DTD1: variants seen among roughly 807,000 people sequenced by gnomAD.
DTD1 encodes D-aminoacyl-tRNA deacylase 1.
DTD1 carries 13 observed loss-of-function variants against 25.6 expected under a neutral mutation model. The ratio of observed to expected loss-of-function variants is 0.51; its 90% CI spans 0.33 to 0.81. The LOEUF (loss-of-function observed/expected upper bound fraction) is 0.81. Among genes scored for constraint, DTD1 ranks in the 30% least tolerant of loss-of-function variants. The probability of loss-of-function intolerance (pLI) is 0.02; values close to 1 mark genes in which losing one functional copy is unlikely to be tolerated. For synonymous variants in DTD1, 110 were observed against 103.6 expected, an observed-to-expected ratio of 1.06 and a Z score of -0.37; for missense variants, 193 against 266.4, an observed-to-expected ratio of 0.72 and a Z score of 1.92.
In DTD1 at chr20:18,693,131, G is replaced by C. The variant is rs537647567; in HGVS notation, c.478-50969G>C. ...TGGTCTCCAACTCCTGACCTCCAGT[G>C]ATCCACCCGCCTCGGCTTCCCAAAA... On this transcript the variant is annotated intron_variant, in intron 4 of 5. Coordinates refer to ENST00000377452, the MANE Select transcript of DTD1 (RefSeq NM_080820.6). Among the ~76,000 whole-genome samples the C allele has an allele frequency of 2.0e-5, 3 of 152,120 alleles. No homozygotes were observed. In the South Asian group the frequency reaches 6.2e-4, roughly 32 times the overall value.
intron 4 of DTD1, among the ~76,000 whole-genome samples, chr20:18,707,364 C>G (rs2122469322): frequency 6.6e-6 from 1 of 152,242 alleles, no homozygotes; most frequent in African/African-American, 2.4e-5. Flanking sequence ...TAAAGCAACC[C>G]TGGACGGACT....
At chr20:18,618,814 G>A (rs1243336998) in intron 3 of DTD1, among the ~76,000 whole-genome samples, 2 of 151,184 alleles carry the variant, frequency 1.3e-5, no homozygotes, top group Non-Finnish European at 2.9e-5. Flanking sequence ...CCTGGTTCAA[G>A]CAATTCTCCT....
chr20:18,614,822 C>A (rs1316604632), intron 3 of DTD1, among the ~76,000 whole-genome samples: 1 of 152,050 alleles, frequency 6.6e-6, no homozygotes, highest in Non-Finnish European at 1.5e-5. Context: ...TCCCTTCCTC[C>A]TTCCCTTCCT....
chr20:18,708,480 C>G, intron 4 of DTD1, among the ~76,000 whole-genome samples: 1 of 147,460 alleles, frequency 6.8e-6, no homozygotes, highest in South Asian at 2.1e-4. Flanking sequence ...CTCAGCCTCC[C>G]AAGTAGCTGG....
intron 4 of DTD1, among the ~76,000 whole-genome samples, chr20:18,645,603 AC>A (rs1404873066): frequency 6.6e-6 from 1 of 152,272 alleles, no homozygotes; most frequent in Admixed American, 6.5e-5. Context: ...GGAATACTAT[AC>A]AAAGGAACCA....
At chr20:18,730,507 G>A (rs2061236353) in intron 4 of DTD1, among the ~76,000 whole-genome samples, 1 of 152,140 alleles carries the variant, frequency 6.6e-6, no homozygotes, top group Admixed American at 6.5e-5. Context: ...TGAATCATAA[G>A]TTATATCTTA....
rs375011168 is a variant in DTD1 at position 18,743,190 on chromosome 20, CA to C, written c.478-909del. 1.6e-3 allele frequency among the ~76,000 whole-genome samples: 243 copies of C among 152,314 alleles called. 10 individuals carry two copies. In the South Asian group the frequency reaches 0.048, roughly 30 times the overall value. ...CCCAGGTTCCATTCGAGTGAGACAT[CA>C]GGGGCATGTCCCCTGCTGGCCTGGT... is the stretch of plus-strand genomic sequence containing the variant. On this transcript the variant is annotated intron_variant, in intron 4 of 5. Transcript: ENST00000377452.
At chr20:18,758,153 C>A (rs1298867642) in intron 5 of DTD1, among the ~76,000 whole-genome samples, 1 of 151,956 alleles carries the variant, frequency 6.6e-6, no homozygotes, top group African/African-American at 2.4e-5. Flanking sequence ...CTATTTGATT[C>A]TTCTCTTTTT....
intron 4 of DTD1, among the ~76,000 whole-genome samples, chr20:18,649,205 G>A (rs76393244): frequency 0.023 from 3,510 of 151,714 alleles, 151 homozygotes; most frequent in African/African-American, 0.081. Flanking sequence ...CTGTCAGGTC[G>A]GGGAGCCATG....
intron 4 of DTD1, among the ~76,000 whole-genome samples, chr20:18,643,801 T>C (rs1467913271): frequency 6.6e-6 from 1 of 152,240 alleles, no homozygotes; most frequent in Non-Finnish European, 1.5e-5. Flanking sequence ...TTTTGAAGCA[T>C]GTCCCTTAAT....
At chr20:18,632,048 A>G (rs2060790345) in intron 4 of DTD1, 46 of 854,478 alleles carry the variant, frequency 5.4e-5, no homozygotes, top group Non-Finnish European at 6.2e-5. Flanking sequence ...CACAGAATAA[A>G]GGACGGTAAC....
chr20:18,690,404 C>T (rs965807339), intron 4 of DTD1, among the ~76,000 whole-genome samples: 3 of 152,256 alleles, frequency 2.0e-5, no homozygotes, highest in Middle Eastern at 3.4e-3. Context: ...GGGGACCTAG[C>T]CAAATTCTCT....
At chr20:18,609,589 C>G (rs2060678522) in intron 3 of DTD1, among the ~76,000 whole-genome samples, 1 of 151,998 alleles carries the variant, frequency 6.6e-6, no homozygotes. Flanking sequence ...GTAGCAGAGC[C>G]CACATTGAGG....
chr20:18,648,995 C>CA (rs57780175), intron 4 of DTD1, among the ~76,000 whole-genome samples: 18,104 of 56,268 alleles, frequency 0.32, 3,688 homozygotes, highest in Non-Finnish European at 0.35. Flanking sequence ...GACTCCATCT[C>CA]AAAAAAAAAA....
At chr20:18,653,288 G>A (rs2060880544) in intron 4 of DTD1, among the ~76,000 whole-genome samples, 2 of 152,118 alleles carry the variant, frequency 1.3e-5, no homozygotes, top group African/African-American at 4.8e-5. Context: ...CAGCTGCTTG[G>A]GAGGCTGCAG....
At chr20:18,589,986 T>C (rs2060582643) in intron 1 of DTD1, among the ~76,000 whole-genome samples, 1 of 152,188 alleles carries the variant, frequency 6.6e-6, no homozygotes, top group South Asian at 2.1e-4. Flanking sequence ...TGGAAAGGGA[T>C]TTTCTGATTC....
At chr20:18,634,142 A>G (rs2060798709) in intron 4 of DTD1, among the ~76,000 whole-genome samples, 1 of 152,194 alleles carries the variant, frequency 6.6e-6, no homozygotes, top group Non-Finnish European at 1.5e-5. Flanking sequence ...TTGCTGGTGC[A>G]TGAGCTCTTC....
intron 3 of DTD1, among the ~76,000 whole-genome samples, chr20:18,621,633 A>G (rs2060734272): frequency 6.6e-6 from 1 of 152,196 alleles, no homozygotes; most frequent in Admixed American, 6.5e-5. Flanking sequence ...ACTTTAATAA[A>G]AATCTTATGT....
intron 5 of DTD1, among the ~76,000 whole-genome samples, chr20:18,744,769 C>T (rs1174943505): frequency 6.6e-6 from 1 of 151,956 alleles, no homozygotes; most frequent in Admixed American, 6.6e-5. Context: ...CCCACCAGGC[C>T]CCTCATCTTG....
Sources: gnomAD v4.1 joint callset for allele counts (sites outside exome capture counted in the v4.1 genomes callset) on GRCh38, gnomAD v4.1.1 for gene constraint, MANE v1.5 for transcripts, NCBI Gene and HGNC (gene_info 2026-07-23, HGNC 2026-07-21) for gene names.